Variants in KCTD1 observed in about 807,000 individuals in gnomAD.
KCTD1 encodes the protein BTB/POZ domain-containing protein KCTD1.
A neutral mutation model predicts 66.0 loss-of-function variants in KCTD1; 24 were observed. The observed-to-expected ratio is 0.36, with a 90% CI of 0.26 to 0.51. The LOEUF (loss-of-function observed/expected upper bound fraction) is 0.51, where lower values mean the gene tolerates loss of function less well. Ranked by LOEUF, KCTD1 falls within the 20% of genes least tolerant of loss-of-function variation. The pLI, the probability that KCTD1 is intolerant of heterozygous loss-of-function variation, is 0.95. For synonymous variants in KCTD1, 511 were observed against 517.2 expected (o/e 0.99, Z 0.16); for missense variants, 943 against 1,205.2 (o/e 0.78, Z 3.22).
chr18:26,593,345 A>AAGAGGAGGAG (rs1986659075), intron 1 of KCTD1, among the ~76,000 whole-genome samples: 2 of 32,156 alleles, frequency 6.2e-5, no homozygotes, highest in Admixed American at 3.9e-4. Context: ...AAGAGGAGGA[A>AAGAGGAGGAG]GAGGAGGAGG....
intron 3 of KCTD1, among the ~76,000 whole-genome samples, chr18:26,474,794 G>A (rs1251910255): frequency 6.6e-6 from 1 of 152,034 alleles, no homozygotes; most frequent in East Asian, 1.9e-4. Context: ...TAGCTTCTGG[G>A]TATGAAGTCT....
intron 1 of KCTD1, chr18:26,544,664 T>G (rs1985128362): frequency 6.6e-6 from 1 of 152,142 alleles, no homozygotes; most frequent in Admixed American, 6.6e-5. Flanking sequence ...AGCTAGGCAT[T>G]AAGCCCCAGG....
intron 1 of KCTD1, among the ~76,000 whole-genome samples, chr18:26,654,230 C>T (rs1988086519): frequency 6.6e-6 from 1 of 152,084 alleles, no homozygotes; most frequent in African/African-American, 2.4e-5. Flanking sequence ...CATTTAAAAA[C>T]CTAAATTGCT....
intron 4 of KCTD1, chr18:26,457,102 G>A (rs1980131417): frequency 6.7e-6 from 1 of 150,168 alleles, no homozygotes; most frequent in Admixed American, 6.7e-5. Flanking sequence ...GATGAGATGG[G>A]AAAGCAAGAG....
At chr18:26,467,811 T>C (rs1162578273) in intron 3 of KCTD1, among the ~76,000 whole-genome samples, 2 of 152,070 alleles carry the variant, frequency 1.3e-5, no homozygotes, top group Non-Finnish European at 2.9e-5. Flanking sequence ...CGAGACCCTA[T>C]CTCAAAAAAA....
At chr18:26,590,093 A>G (rs1986563909) in intron 1 of KCTD1, among the ~76,000 whole-genome samples, 1 of 151,846 alleles carries the variant, frequency 6.6e-6, no homozygotes, top group African/African-American at 2.4e-5. Context: ...TATTTTATTT[A>G]TTTTATTTTT....
intron 2 of KCTD1, among the ~76,000 whole-genome samples, chr18:26,484,631 A>C (rs1475721943): frequency 6.6e-6 from 1 of 152,236 alleles, no homozygotes; most frequent in Non-Finnish European, 1.5e-5. Context: ...GAATCTTTTT[A>C]GAATTGACAT....
chr18:26,589,028 G>A (rs1219642412), intron 1 of KCTD1, among the ~76,000 whole-genome samples: 2 of 151,938 alleles, frequency 1.3e-5, no homozygotes, highest in African/African-American at 4.8e-5. Context: ...AGCAGAGCAG[G>A]GATAAATACT....
intron 1 of KCTD1, among the ~76,000 whole-genome samples, chr18:26,598,547 C>T (rs376918424): frequency 8.6e-5 from 13 of 151,910 alleles, no homozygotes; most frequent in African/African-American, 2.7e-4. Context: ...GTAGTACTAT[C>T]TTTAACTTTT....
chr18:26,548,346 T>C lies in KCTD1; in HGVS notation c.191A>G (p.Asp64Gly). 6.8e-7 allele frequency: 1 copy of C among 1,470,174 alleles called. No homozygotes were observed. The highest frequency in any genetic ancestry group is 9.0e-7 in the Non-Finnish European group (1 of 1,109,394). The allele number at this position is 1,470,174 out of a possible 1,614,324, so 91.1% of individuals were successfully genotyped here. A position where few individuals can be genotyped will look rare whatever the true frequency, so the allele number is the denominator to read the frequency against. ...GEEEEEEEEEDEIQEVQITGD... is the reference protein window; with the variant it reads ...GEEEEEEEEEGEIQEVQITGD... Reference sequence around the variant, plus strand: ...CGTTATCTGCACCTCCTGGATCTCGTCCTCCTCCTCCTCTTCCTCCTCCTC... The same window carrying C: ...CGTTATCTGCACCTCCTGGATCTCGCCCTCCTCCTCCTCTTCCTCCTCCTC... Residue 64 changes from aspartate to glycine, a missense_variant, in exon 1 of 5, where the codon GAC becomes GGC. Transcript: ENST00000580059.
chr18:26,517,694 C>T (rs977640797), intron 1 of KCTD1, among the ~76,000 whole-genome samples: 1 of 151,152 alleles, frequency 6.6e-6, no homozygotes, highest in Non-Finnish European at 1.5e-5. Context: ...GGGTAGTTTC[C>T]CTGCACAAGC....
chr18:26,548,555 G>C, upstream of KCTD1: 2 of 1,214,278 alleles, frequency 1.6e-6, no homozygotes, highest in Non-Finnish European at 2.0e-6. Context: ...CTCTCTGCCA[G>C]TCCTCGGGCA....
At chr18:26,640,434 G>A (rs137894499), upstream of KCTD1, 590 of 152,786 alleles carry the variant, frequency 3.9e-3, 2 homozygotes, top group Non-Finnish European at 7.0e-3. Context: ...GGGTGACAGA[G>A]TGAGACTCTT....
chr18:26,655,137 C>T (rs1319126923), intron 1 of KCTD1, among the ~76,000 whole-genome samples: 2 of 152,164 alleles, frequency 1.3e-5, no homozygotes, highest in Non-Finnish European at 2.9e-5. Flanking sequence ...TTTTAAAATC[C>T]TTTATTTTCT....
chr18:26,598,471 T>TACACACACACACACACACAC (rs4041522), intron 1 of KCTD1, among the ~76,000 whole-genome samples: 40 of 149,772 alleles, frequency 2.7e-4, no homozygotes, highest in African/African-American at 9.3e-4. Flanking sequence ...TCTCTTTTTT[T>TACACACACACACACACACAC]ACACACACAC....
intron 1 of KCTD1, among the ~76,000 whole-genome samples, chr18:26,601,305 G>A (rs1598961368): frequency 3.1e-5 from 2 of 64,616 alleles, no homozygotes; most frequent in African/African-American, 1.2e-4. Context: ...TATTTTGCCA[G>A]TAAATAAAAG....
intron 1 of KCTD1, among the ~76,000 whole-genome samples, chr18:26,563,357 C>T (rs1035831517): frequency 4.6e-5 from 7 of 152,328 alleles, no homozygotes; most frequent in African/African-American, 1.7e-4. Flanking sequence ...GTACTCCCTG[C>T]CTACTCCTTT....
upstream of KCTD1, among the ~76,000 whole-genome samples, chr18:26,552,824 A>G (rs1055624965): frequency 6.6e-6 from 1 of 152,214 alleles, no homozygotes; most frequent in Admixed American, 6.5e-5. Context: ...AGCAGAGGCC[A>G]GAAAAAGCAT....
chr18:26,531,564 G>A (rs146314034), intron 1 of KCTD1, among the ~76,000 whole-genome samples: 3 of 152,234 alleles, frequency 2.0e-5, no homozygotes, highest in East Asian at 1.9e-4. Flanking sequence ...AATTCAAAAC[G>A]GGAGCTATAA....
Sources: gnomAD v4.1 joint callset for allele counts (sites outside exome capture counted in the v4.1 genomes callset) on GRCh38, gnomAD v4.1.1 for gene constraint, MANE v1.5 for transcripts, NCBI Gene and HGNC (gene_info 2026-07-23, HGNC 2026-07-21) for gene names.